The following CSMD1 variants were observed in gnomAD, a reference collection of about 807,000 sequenced individuals.
CSMD1 encodes the protein CUB and sushi domain-containing protein 1.
In CSMD1, 213 loss-of-function variants were observed where a neutral mutation model predicts 417.5. The observed-to-expected ratio is 0.51, with a 90% CI of 0.46 to 0.57. The LOEUF (loss-of-function observed/expected upper bound fraction) is 0.57, where lower values mean the gene tolerates loss of function less well. Ranked by LOEUF, CSMD1 falls within the 20% of genes least tolerant of loss-of-function variation. The probability of loss-of-function intolerance (pLI) is 0.00; values close to 1 mark genes in which losing one functional copy is unlikely to be tolerated. For missense variants in CSMD1, 6,923 were observed against 4,529.7 expected, an observed-to-expected ratio of 1.53 and a Z score of -15.17; for synonymous variants, 2,862 against 1,736.8, an observed-to-expected ratio of 1.65 and a Z score of -16.11.
intron 5 of CSMD1, among the ~76,000 whole-genome samples, chr8:3,876,991 G>A (rs1316594204): frequency 1.3e-5 from 2 of 152,160 alleles, no homozygotes; most frequent in African/African-American, 2.4e-5. Flanking sequence ...CAGATCTCAA[G>A]CAATAACATA....
intron 31 of CSMD1, among the ~76,000 whole-genome samples, chr8:3,204,908 A>G (rs1797167434): frequency 3.3e-5 from 5 of 152,234 alleles, no homozygotes; most frequent in Admixed American, 2.6e-4. Context: ...CATTGCATAA[A>G]TGAAGTGCAG....
chr8:4,347,371 T>C (rs1447360707), intron 3 of CSMD1, among the ~76,000 whole-genome samples: 1 of 152,194 alleles, frequency 6.6e-6, no homozygotes, highest in Non-Finnish European at 1.5e-5. Context: ...CTCTGCTCTT[T>C]GATTTCTTGG....
chr8:4,970,813 AC>A (rs1235988735), intron 1 of CSMD1, among the ~76,000 whole-genome samples: 4 of 152,054 alleles, frequency 2.6e-5, no homozygotes, highest in Non-Finnish European at 5.9e-5. Flanking sequence ...ACCAGGTAAT[AC>A]CCTAGCTCTA....
At chr8:3,927,451 G>A (rs960092355) in intron 5 of CSMD1, among the ~76,000 whole-genome samples, 1 of 151,940 alleles carries the variant, frequency 6.6e-6, no homozygotes, top group Admixed American at 6.6e-5. Context: ...TGGATCACAA[G>A]GTCAGGAGTT....
chr8:4,613,643 A>G (rs1478256613), intron 2 of CSMD1, among the ~76,000 whole-genome samples: 1 of 152,158 alleles, frequency 6.6e-6, no homozygotes, highest in Admixed American at 6.5e-5. Context: ...TTTGCCTGAC[A>G]ACCCTTAATG....
intron 2 of CSMD1, among the ~76,000 whole-genome samples, chr8:4,636,806 G>T (rs995916191): frequency 6.6e-6 from 1 of 152,118 alleles, no homozygotes; most frequent in African/African-American, 2.4e-5. Flanking sequence ...TGGTAATGAG[G>T]GGTGAAGCCA....
chr8:3,185,323 T>C (rs1293929693), intron 36 of CSMD1, among the ~76,000 whole-genome samples: 2 of 152,264 alleles, frequency 1.3e-5, no homozygotes, highest in African/African-American at 2.4e-5. Context: ...AGGAGATTGT[T>C]GTTATTTTTC....
At chr8:3,568,369 G>C (rs116973644) in intron 10 of CSMD1, among the ~76,000 whole-genome samples, 3 of 152,028 alleles carry the variant, frequency 2.0e-5, no homozygotes, top group East Asian at 1.9e-4. Flanking sequence ...AATACACCTT[G>C]AGTCTGTACA....
intron 6 of CSMD1, among the ~76,000 whole-genome samples, chr8:3,740,350 C>A (rs1019703036): frequency 2.6e-5 from 4 of 152,128 alleles, no homozygotes; most frequent in Non-Finnish European, 5.9e-5. Context: ...AAATGATCCG[C>A]CTTCCTTTCA....
In CSMD1 at chr8:2,975,855, C is replaced by T. The variant is rs186227192; in HGVS notation, c.8567-1231G>A. On this transcript the variant is annotated intron_variant, in intron 55 of 69. Transcript: ENST00000635120. ...CACCAAGCGGAGTGAACTGGCCACCCCGGAAAAGGAGAGCCAGCTAAACCC... is the reference window on the plus strand; with the variant it reads ...CACCAAGCGGAGTGAACTGGCCACCTCGGAAAAGGAGAGCCAGCTAAACCC... Among the ~76,000 whole-genome samples the T allele has an allele frequency of 7.9e-5, 12 of 152,180 alleles. No individual in the cohort carries two copies. In the East Asian group the frequency reaches 1.2e-3, roughly 15 times the overall value.
At position 4,153,300 on chromosome 8, in the gene CSMD1, C is replaced by A. The variant is rs576257399; in HGVS notation, c.416-121201G>T. ...TGTCCAAGTTTGACTCAGTTCATCT[C>A]CGGGCTCTTCTCACTTCCGACATTG... On this transcript the variant is annotated intron_variant, in intron 3 of 69. Coordinates refer to ENST00000635120, the MANE Select transcript of CSMD1 (RefSeq NM_033225.6). 6.6e-5 allele frequency among the ~76,000 whole-genome samples: 10 copies of A among 152,288 alleles called. No individual in the cohort carries two copies. In the South Asian group the frequency reaches 2.1e-3, roughly 32 times the overall value.
At chr8:4,048,292 G>C (rs970499226) in intron 3 of CSMD1, among the ~76,000 whole-genome samples, 2 of 152,154 alleles carry the variant, frequency 1.3e-5, no homozygotes, top group Admixed American at 1.3e-4. Context: ...ATGAGCATAA[G>C]ATTGAGCTGG....
At chr8:3,110,108 A>C in intron 43 of CSMD1, 50 bp downstream of exon 43, 2 of 1,457,122 alleles carry the variant, frequency 1.4e-6, no homozygotes, top group Non-Finnish European at 1.9e-6. Flanking sequence ...ATGCTAAGTC[A>C]GAATTGTTGA....
chr8:3,973,035 A>G (rs548009782), intron 5 of CSMD1, among the ~76,000 whole-genome samples: 383 of 152,380 alleles, frequency 2.5e-3, no homozygotes, highest in African/African-American at 8.7e-3. Context: ...GTGTTTACCA[A>G]TAAGATCACA....
intron 12 of CSMD1, among the ~76,000 whole-genome samples, chr8:3,427,685 C>T (rs1484609972): frequency 1.3e-5 from 2 of 152,006 alleles, no homozygotes; most frequent in East Asian, 1.9e-4. Context: ...TCACTTTATC[C>T]CTTTTATCAA....
intron 2 of CSMD1, among the ~76,000 whole-genome samples, chr8:4,551,081 T>C (rs1797849174): frequency 1.3e-5 from 2 of 152,200 alleles, no homozygotes; most frequent in African/African-American, 2.4e-5. Flanking sequence ...CTATTTTGAA[T>C]GTTTTAAAAT....
At chr8:3,064,279 G>C (rs1812775184) in intron 49 of CSMD1, among the ~76,000 whole-genome samples, 1 of 152,192 alleles carries the variant, frequency 6.6e-6, no homozygotes, top group Non-Finnish European at 1.5e-5. Flanking sequence ...GGGGCCTGGT[G>C]GGAGGTGACT....
At chr8:2,967,783 A>G (rs1415323848) in intron 57 of CSMD1, among the ~76,000 whole-genome samples, 1 of 152,226 alleles carries the variant, frequency 6.6e-6, no homozygotes, top group Non-Finnish European at 1.5e-5. Context: ...AAGAACATGG[A>G]AGAAAACATC....
At chr8:4,514,975 C>T (rs933956696) in intron 2 of CSMD1, among the ~76,000 whole-genome samples, 18 of 152,158 alleles carry the variant, frequency 1.2e-4, no homozygotes, top group Non-Finnish European at 2.2e-4. Flanking sequence ...TTTTAAGCCT[C>T]AGTGGAAATG....
Sources: gnomAD v4.1 joint callset for allele counts (sites outside exome capture counted in the v4.1 genomes callset) on GRCh38, gnomAD v4.1.1 for gene constraint, MANE v1.5 for transcripts, NCBI Gene and HGNC (gene_info 2026-07-23, HGNC 2026-07-21) for gene names.